L3MBTL2: variants seen among roughly 807,000 people sequenced by gnomAD.
L3MBTL2 encodes the protein L3MBTL histone methyl-lysine binding protein 2.
L3MBTL2 carries 49 observed loss-of-function variants against 86.4 expected under a neutral mutation model. That is an observed-to-expected ratio of 0.57 (90% confidence interval 0.45 to 0.72). L3MBTL2 has a LOEUF of 0.72. Among genes scored for constraint, L3MBTL2 ranks in the 30% least tolerant of loss-of-function variants. The pLI, the probability that L3MBTL2 is intolerant of heterozygous loss-of-function variation, is 0.00. For missense variants in L3MBTL2, 755 were observed against 923.7 expected (o/e 0.82, Z 2.37); for synonymous variants, 336 against 350.6 (o/e 0.96, Z 0.47).
intron 1 of L3MBTL2, chr22:41,208,283 C>T (rs184310112): frequency 4.5e-6 from 2 of 440,296 alleles, no homozygotes; most frequent in Non-Finnish European, 9.1e-6. Context: ...GCGCATGCCA[C>T]CACACCTGGC....
At chr22:41,209,996 T>G (rs1056343571) in intron 2 of L3MBTL2, 63 bp downstream of exon 2, 1 of 1,582,022 alleles carries the variant, frequency 6.3e-7, no homozygotes, top group Non-Finnish European at 8.6e-7. Context: ...AAGAGGGGGG[T>G]GGATATAGGC....
intron 12 of L3MBTL2, 76 bp from the exon 13 acceptor site, chr22:41,226,586 C>T (rs2032198809): frequency 2.9e-6 from 3 of 1,031,446 alleles, no homozygotes; most frequent in African/African-American, 1.6e-5. Context: ...AGAGCTTCTT[C>T]AGCCATGTGT....
Position 41,225,727 on chromosome 22 carries a change from C to T in L3MBTL2, c.1357-67C>T, listed in dbSNP as rs887007868. 1.4e-5 allele frequency: 22 copies of T among 1,528,028 alleles called. No homozygotes were observed. Among genetic ancestry groups the T allele is most frequent in the African/African-American group, 1.1e-4 (8 of 73,326 alleles). 94.7% of individuals were successfully genotyped at this position (1,528,028 alleles called of 1,614,324 possible). On this transcript the variant is annotated intron_variant, in intron 11 of 16. Coordinates refer to ENST00000216237, the MANE Select transcript of L3MBTL2 (RefSeq NM_031488.5). The surrounding 1 kb of genome is among the most constrained non-coding windows in gnomAD (Gnocchi z 4.1). ...TTTGCCTCGTGTCCCTATTGGGGTG[C>T]GGTACCAACCCAGGATGGGGTGCAG...
chr22:41,219,386 T>G (rs528958287), intron 5 of L3MBTL2, 33 bp from the exon 6 acceptor site: 1 of 1,516,210 alleles, frequency 6.6e-7, no homozygotes, highest in South Asian at 1.1e-5. Flanking sequence ...CACAGTTAGC[T>G]CACTCTCTCG....
intron 6 of L3MBTL2, among the ~76,000 whole-genome samples, 181 bp downstream of exon 6, chr22:41,219,717 A>G (rs986702961): frequency 1.3e-5 from 2 of 152,096 alleles, no homozygotes; most frequent in Non-Finnish European, 1.5e-5. Flanking sequence ...GCAGGCTTGG[A>G]AACCCCAAAT....
chr22:41,226,145 C>T (rs2032168143), intron 12 of L3MBTL2, among the ~76,000 whole-genome samples: 1 of 152,210 alleles, frequency 6.6e-6, no homozygotes, highest in African/African-American at 2.4e-5. Flanking sequence ...GGCATGGTGA[C>T]AGGTGCCTAT....
In L3MBTL2 at chr22:41,225,164, G is replaced by A. The variant is rs1372676900; in HGVS notation, c.1356+93G>A. On this transcript the variant is annotated intron_variant, in intron 11 of 16. Coordinates refer to ENST00000216237, the MANE Select transcript of L3MBTL2 (RefSeq NM_031488.5). The surrounding 1 kb of genome is among the most constrained non-coding windows in gnomAD (Gnocchi z 4.1). ...TAACCCCACTCGCCACCGTCAGGGGGTCTGTGTCCCAGCCTCTCATCACTG... is the reference window on the plus strand; with the variant it reads ...TAACCCCACTCGCCACCGTCAGGGGATCTGTGTCCCAGCCTCTCATCACTG... The A allele has an allele frequency of 4.1e-6, 4 of 980,980 alleles. No individual in the cohort carries two copies. Among genetic ancestry groups the A allele is most frequent in the Non-Finnish European group, 1.5e-6 (1 of 655,780 alleles). The allele number at this position is 980,980 out of a possible 1,614,324, so 60.8% of individuals were successfully genotyped here.
Position 41,216,184 on chromosome 22 carries a change from T to A in L3MBTL2, c.442T>A (p.Trp148Arg). Residue 148 changes from tryptophan (W) to arginine (R), a missense_variant, in exon 4 of 17, where the codon TGG (tryptophan) becomes AGG (arginine). Physicochemically the swap from Trp to Arg is moderately radical, Grantham distance 101. This residue lies in a region of L3MBTL2 where 634 missense variants were observed against 748.9 expected (regional missense o/e 0.85). Coordinates refer to ENST00000216237, the MANE Select transcript of L3MBTL2 (RefSeq NM_031488.5). ...KKAKVLHKAA[W>R]SAKIGAFLHS... is the part of the protein sequence containing the mutation. ...AGCCAAAGTCCTGCACAAGGCTGCCTGGTCTGCCAAAATTGGAGCCTTCCT... is the reference window on the plus strand; with the variant it reads ...AGCCAAAGTCCTGCACAAGGCTGCCAGGTCTGCCAAAATTGGAGCCTTCCT... 1 of 1,614,128 alleles carries A rather than the reference T, an allele frequency of 6.2e-7. No individual in the cohort carries two copies. The highest frequency in any genetic ancestry group is 8.5e-7 in the Non-Finnish European group (1 of 1,179,996).
At chr22:41,228,922 G>A (rs561350824) in intron 15 of L3MBTL2, among the ~76,000 whole-genome samples, 4 of 151,990 alleles carry the variant, frequency 2.6e-5, no homozygotes, top group Admixed American at 1.3e-4. Context: ...CCATTCAAAC[G>A]GTAGGACCGG....
intron 1 of L3MBTL2, among the ~76,000 whole-genome samples, chr22:41,207,096 G>C (rs956634117): frequency 3.3e-5 from 5 of 152,096 alleles, no homozygotes; most frequent in African/African-American, 1.2e-4. Context: ...ATAAATGTTA[G>C]AGCCAGGATT....
chr22:41,228,772 C>A (rs2075305888), intron 15 of L3MBTL2, among the ~76,000 whole-genome samples: 1 of 151,752 alleles, frequency 6.6e-6, no homozygotes, highest in Admixed American at 6.6e-5. Context: ...ATCACTTGAA[C>A]CTGGGGGCCG....
At chr22:41,210,870 G>A (rs945408884) in intron 2 of L3MBTL2, among the ~76,000 whole-genome samples, 23 of 152,188 alleles carry the variant, frequency 1.5e-4, no homozygotes, top group African/African-American at 5.5e-4. Flanking sequence ...TTTTGTATAA[G>A]TATACCATGG....
At chr22:41,213,658 C>G (rs956398536) in intron 2 of L3MBTL2, 1 of 387,122 alleles carries the variant, frequency 2.6e-6, no homozygotes, top group Non-Finnish European at 4.7e-6. Context: ...TCATGGATTT[C>G]CATTAGCCCC....
At position 41,224,812 on chromosome 22, in the gene L3MBTL2, G is replaced by A; in HGVS notation, c.1251+11G>A. ...TACCTCTTCAAGAAGGTGAGGTTCA[G>A]CTCTTGGGCGCTTTTCCCCTCAGCC... is the stretch of plus-strand genomic sequence containing the variant. On this transcript the variant is annotated intron_variant, in intron 10 of 16. Coordinates refer to ENST00000216237, the MANE Select transcript of L3MBTL2 (RefSeq NM_031488.5). This position sits in a 1 kb window ranked among gnomAD's most constrained non-coding sequence, Gnocchi z 4.9. 6.2e-7 allele frequency: 1 copy of A among 1,610,518 alleles called. No individual in the cohort carries two copies. Among genetic ancestry groups the A allele is most frequent in the Non-Finnish European group, 8.5e-7 (1 of 1,176,742 alleles).
intron 1 of L3MBTL2, among the ~76,000 whole-genome samples, chr22:41,206,495 A>G (rs1023763546): frequency 4.0e-5 from 6 of 151,882 alleles, no homozygotes; most frequent in African/African-American, 1.5e-4. Context: ...TGACAAGGGT[A>G]CCTATATTTG....
At chr22:41,210,716 A>G (rs5758262) in intron 2 of L3MBTL2, among the ~76,000 whole-genome samples, 88,360 of 151,978 alleles carry the variant, frequency 0.58, 26,434 homozygotes, top group East Asian at 0.8. Context: ...CACCCACCTC[A>G]GCTTCCCAAA....
chr22:41,229,869 C>T, intron 16 of L3MBTL2: 1 of 815,438 alleles, frequency 1.2e-6, no homozygotes, highest in Non-Finnish European at 2.1e-6. Context: ...CCGGCCCCGG[C>T]CCCTCCTCCT....
At chr22:41,213,316 T>C (rs2031059512) in intron 2 of L3MBTL2, among the ~76,000 whole-genome samples, 1 of 152,142 alleles carries the variant, frequency 6.6e-6, no homozygotes, top group African/African-American at 2.4e-5. Flanking sequence ...GCACTTTTTC[T>C]TCCTATAAAT....
At position 41,227,455 on chromosome 22, in the gene L3MBTL2, A is replaced by G; in HGVS notation, c.1822+132A>G. On this transcript the variant is annotated intron_variant, in intron 14 of 16. Coordinates refer to ENST00000216237, the MANE Select transcript of L3MBTL2 (RefSeq NM_031488.5). The surrounding 1 kb of genome is among the most constrained non-coding windows in gnomAD (Gnocchi z 6.0). ...GTCTCATGGACCACTTTAAGTAGAG[A>G]GTGAGCCCCGTCACCCAGCCCCTGC... 8.4e-7 allele frequency: 1 copy of G among 1,192,656 alleles called. No homozygotes were observed. Among genetic ancestry groups the G allele is most frequent in the Non-Finnish European group, 1.2e-6 (1 of 824,200 alleles). The allele number at this position is 1,192,656 out of a possible 1,614,324, so 73.9% of individuals were successfully genotyped here.
Sources: gnomAD v4.1 joint callset for allele counts (sites outside exome capture counted in the v4.1 genomes callset) on GRCh38, gnomAD v4.1.1 for gene constraint, gnomAD v4.1.1 regional missense constraint, Gnocchi (gnomAD v3.1) non-coding constraint, MANE v1.5 for transcripts, NCBI Gene and HGNC (gene_info 2026-07-23, HGNC 2026-07-21) for gene names.